The following TAX1BP1 variants were observed in gnomAD, a reference collection of about 807,000 sequenced individuals.
TAX1BP1 encodes the protein tax1-binding protein 1.
In TAX1BP1, 62 loss-of-function variants were observed where a neutral mutation model predicts 97.7. The ratio of observed to expected loss-of-function variants is 0.63; its 90% confidence interval spans 0.52 to 0.78. The LOEUF (loss-of-function observed/expected upper bound fraction) is 0.78, where lower values mean the gene tolerates loss of function less well. Among genes scored for constraint, TAX1BP1 ranks in the 30% least tolerant of loss-of-function variants. The pLI, the probability that TAX1BP1 is intolerant of heterozygous loss-of-function variation, is 0.00. For synonymous variants in TAX1BP1, 340 were observed against 304.2 expected (o/e 1.12, Z -1.23); for missense variants, 867 against 916.1 (o/e 0.95, Z 0.69).
chr7:27,824,609 T>G (rs576851655), intron 15 of TAX1BP1, among the ~76,000 whole-genome samples: 14 of 151,900 alleles, frequency 9.2e-5, no homozygotes, highest in Middle Eastern at 3.4e-3. Flanking sequence ...CGTATGCTTT[T>G]AATAAGAAAA....
In TAX1BP1 at chr7:27,800,043, G is replaced by A. The variant is rs199556359; in HGVS notation, c.1717G>A (p.Ala573Thr). 9.4e-6 allele frequency: 15 copies of A among 1,600,762 alleles called. No individual in the cohort carries two copies. In the East Asian group the frequency reaches 3.4e-4, roughly 36 times the overall value. The part of the protein sequence containing the change: ...ELKWKEQVKI[A>T]ENVKLELAEV... Reference sequence around the variant, plus strand: ...GAAATGGAAAGAACAAGTGAAAATTGCTGAAAATGTAAAACTTGAACTAGC... The same window carrying A: ...GAAATGGAAAGAACAAGTGAAAATTACTGAAAATGTAAAACTTGAACTAGC... The change falls in exon 13 of 17, where the codon GCT (alanine) becomes ACT (threonine). Residue 573 changes from alanine (A) to threonine (T), a missense_variant. Physicochemically the swap from Ala to Thr is moderately conservative, Grantham distance 58. Coordinates refer to ENST00000396319, the MANE Select transcript of TAX1BP1 (RefSeq NM_006024.7).
At chr7:27,807,477 G>T (rs1790385647) in intron 13 of TAX1BP1, among the ~76,000 whole-genome samples, 1 of 151,760 alleles carries the variant, frequency 6.6e-6, no homozygotes, top group African/African-American at 2.4e-5. Flanking sequence ...GAAAAATATG[G>T]GCCAGTTATT....
At chr7:27,759,855 C>CT (rs777663697) in intron 3 of TAX1BP1, among the ~76,000 whole-genome samples, 2,098 of 139,120 alleles carry the variant, frequency 0.015, 36 homozygotes, top group African/African-American at 0.04. Context: ...TTTTGTAAAT[C>CT]TTTTTTTTTT....
At chr7:27,798,160 A>G (rs1339548194) in intron 12 of TAX1BP1, among the ~76,000 whole-genome samples, 1 of 152,110 alleles carries the variant, frequency 6.6e-6, no homozygotes, top group Admixed American at 6.5e-5. Context: ...TATTCATATT[A>G]TTGCATATAT....
intron 8 of TAX1BP1, among the ~76,000 whole-genome samples, chr7:27,789,755 T>C (rs562675531): frequency 6.6e-6 from 1 of 152,144 alleles, no homozygotes; most frequent in East Asian, 1.9e-4. Context: ...TACTCAGACA[T>C]AGTTAATGTA....
At chr7:27,805,873 G>A (rs10265575) in intron 13 of TAX1BP1, among the ~76,000 whole-genome samples, 178 of 152,076 alleles carry the variant, frequency 1.2e-3, no homozygotes, top group Non-Finnish European at 2.1e-3. Context: ...CATATTCTTG[G>A]GCCCTGTTCT....
At chr7:27,760,352 G>A (rs938654418) in intron 3 of TAX1BP1, among the ~76,000 whole-genome samples, 5 of 151,204 alleles carry the variant, frequency 3.3e-5, no homozygotes, top group African/African-American at 7.3e-5. Flanking sequence ...CCAAAAAACA[G>A]TTTGAATTTG....
chr7:27,828,646 G>A lies in TAX1BP1; in HGVS notation c.2187G>A (p.Lys729=), dbSNP rs947219236. ...CFDSSFDVHK[K]CPLCELMFPP... The stretch of plus-strand genomic sequence containing the variant: ...CTTTAAGCTTTGATGTTCACAAGAA[G>A]TGTCCCCTCTGTGAGTTAATGTTTC... The change falls in exon 17 of 17, where the codon AAG becomes AAA. Residue 729 remains lysine, a synonymous_variant. Coordinates refer to ENST00000396319, the MANE Select transcript of TAX1BP1 (RefSeq NM_006024.7). 6.2e-7 allele frequency: 1 copy of A among 1,613,850 alleles called. No homozygotes were observed. The highest frequency in any genetic ancestry group is 1.7e-4 in the Middle Eastern group (1 of 6,058).
chr7:27,741,371 GTTCCT>G (rs1427681162), intron 1 of TAX1BP1, among the ~76,000 whole-genome samples: 8 of 152,194 alleles, frequency 5.3e-5, no homozygotes, highest in Non-Finnish European at 8.8e-5. Context: ...CTTTCGTTCT[GTTCCT>G]TTCAAGGGTA....
chr7:27,793,256 A>G (rs925746340), intron 10 of TAX1BP1, 44 bp downstream of exon 10: 1 of 1,482,144 alleles, frequency 6.7e-7, no homozygotes, highest in Non-Finnish European at 9.0e-7. Context: ...TGTTGTTAGT[A>G]TTTTTGTTCG....
intron 3 of TAX1BP1, among the ~76,000 whole-genome samples, chr7:27,758,820 AGTTATT>A (rs1375073453): frequency 3.9e-5 from 6 of 152,200 alleles, no homozygotes; most frequent in Admixed American, 2.6e-4. Context: ...AGGAATGGGG[AGTTATT>A]GTTTAATGAG....
intron 15 of TAX1BP1, among the ~76,000 whole-genome samples, chr7:27,819,696 C>T (rs1349623761): frequency 6.6e-6 from 1 of 152,108 alleles, no homozygotes; most frequent in Non-Finnish European, 1.5e-5. Context: ...TTCATTGGAA[C>T]GTAACCCCAT....
At chr7:27,760,532 G>C (rs1471581578) in intron 3 of TAX1BP1, among the ~76,000 whole-genome samples, 7 of 151,222 alleles carry the variant, frequency 4.6e-5, no homozygotes, top group Admixed American at 4.0e-4. Context: ...AGCTGGGACC[G>C]GAGGCGCCCG....
rs553833765 is a variant in TAX1BP1 at position 27,777,556 on chromosome 7, T to C, written c.613-7607T>C. On this transcript the variant is annotated intron_variant, in intron 5 of 16. Transcript: ENST00000396319. ...TTTTTGGGTGATTCTTTCTCCAGCC[T>C]GGGTTAATTTCCTCACACGCATATG... Among the ~76,000 whole-genome samples the C allele has an allele frequency of 1.4e-3, 208 of 152,292 alleles. 1 individual carries two copies. Among genetic ancestry groups the C allele is most frequent in the African/African-American group, 4.5e-3 (187 of 41,556 alleles).
chr7:27,756,105 T>C (rs910256879), intron 2 of TAX1BP1, among the ~76,000 whole-genome samples: 1 of 152,218 alleles, frequency 6.6e-6, no homozygotes, highest in Admixed American at 6.5e-5. Context: ...TTATGGTTTA[T>C]TGACCCTTCT....
chr7:27,809,822 A>G (rs921199918), intron 13 of TAX1BP1, among the ~76,000 whole-genome samples: 1 of 152,012 alleles, frequency 6.6e-6, no homozygotes, highest in Non-Finnish European at 1.5e-5. Context: ...GTAGTGTATT[A>G]TTTGCTTACA....
At chr7:27,817,280 A>G (rs747562300) in intron 15 of TAX1BP1, among the ~76,000 whole-genome samples, 4 of 152,226 alleles carry the variant, frequency 2.6e-5, no homozygotes, top group Non-Finnish European at 5.9e-5. Flanking sequence ...ATACTAAAGT[A>G]AAAGATTAAG....
intron 1 of TAX1BP1, among the ~76,000 whole-genome samples, chr7:27,747,910 G>C (rs1787885296): frequency 6.6e-6 from 1 of 151,836 alleles, no homozygotes; most frequent in Admixed American, 6.6e-5. Flanking sequence ...TGTGTAACCA[G>C]GGTTGAGAAA....
intron 12 of TAX1BP1, among the ~76,000 whole-genome samples, chr7:27,798,771 G>T (rs1251908835): frequency 6.6e-6 from 1 of 151,146 alleles, no homozygotes; most frequent in African/African-American, 2.4e-5. Context: ...TGGTTTTAAT[G>T]TGCATTTGTA....
Sources: allele counts gnomAD v4.1 joint callset (sites outside exome capture counted in the v4.1 genomes callset), GRCh38; gene constraint gnomAD v4.1.1; transcripts MANE v1.5; gene names NCBI Gene and HGNC (gene_info 2026-07-23, HGNC 2026-07-21).